Variants in RBFOX1 observed in about 807,000 individuals in gnomAD.
RBFOX1 encodes the protein RNA binding fox-1 homolog 1.
RBFOX1 carries 8 observed loss-of-function variants against 57.7 expected under a neutral mutation model. The ratio of observed to expected loss-of-function variants is 0.14; its 90% CI spans 0.08 to 0.25. The LOEUF (loss-of-function observed/expected upper bound fraction) is 0.25, where lower values mean the gene tolerates loss of function less well. Ranked by LOEUF, RBFOX1 falls within the 10% of genes least tolerant of loss-of-function variation. The pLI, the probability that RBFOX1 is intolerant of heterozygous loss-of-function variation, is 1.00. For missense variants in RBFOX1, 611 were observed against 548.5 expected (o/e 1.11, Z -1.14); for synonymous variants, 326 against 222.4 (o/e 1.47, Z -4.15).
At chr16:5,742,882 C>G (rs557256244) in intron 3 of RBFOX1, among the ~76,000 whole-genome samples, 67 of 152,260 alleles carry the variant, frequency 4.4e-4, no homozygotes, top group Admixed American at 1.4e-3. Flanking sequence ...AGAGATGGAT[C>G]TGGTCAGGTG....
intron 5 of RBFOX1, among the ~76,000 whole-genome samples, chr16:7,519,495 A>G (rs1241565004): frequency 6.6e-6 from 1 of 152,264 alleles, no homozygotes; most frequent in Non-Finnish European, 1.5e-5. Flanking sequence ...ACATTTTATC[A>G]TCACTGTAAA....
chr16:5,581,323 T>C (rs547365709), intron 2 of RBFOX1, among the ~76,000 whole-genome samples: 1 of 152,366 alleles, frequency 6.6e-6, no homozygotes, highest in South Asian at 2.1e-4. Flanking sequence ...CTCTAGCAAG[T>C]TGCTCTCCTT....
At chr16:5,787,442 A>C (rs1257882923) in intron 3 of RBFOX1, among the ~76,000 whole-genome samples, 1 of 152,234 alleles carries the variant, frequency 6.6e-6, no homozygotes, top group East Asian at 1.9e-4. Flanking sequence ...CATCTGAATA[A>C]TAAAGTCACT....
chr16:7,169,514 A>G (rs967455038), intron 4 of RBFOX1, among the ~76,000 whole-genome samples: 2 of 152,188 alleles, frequency 1.3e-5, no homozygotes, highest in African/African-American at 4.8e-5. Context: ...GACATGGCCT[A>G]ATGTCCCCAG....
At chr16:5,394,288 C>T (rs1012929412) in intron 1 of RBFOX1, among the ~76,000 whole-genome samples, 9 of 152,124 alleles carry the variant, frequency 5.9e-5, no homozygotes, top group African/African-American at 1.9e-4. Flanking sequence ...TCTCAAAGTG[C>T]TGGGATTACA....
chr16:7,267,735 A>T (rs529354478), intron 4 of RBFOX1, among the ~76,000 whole-genome samples: 1 of 152,228 alleles, frequency 6.6e-6, no homozygotes, highest in African/African-American at 2.4e-5. Flanking sequence ...GCGTGCCTGT[A>T]GTCCCAGCTA....
chr16:6,857,884 T>C (rs1408819432), intron 3 of RBFOX1, among the ~76,000 whole-genome samples: 1 of 152,236 alleles, frequency 6.6e-6, no homozygotes, highest in Non-Finnish European at 1.5e-5. Flanking sequence ...TGTCAAATCC[T>C]GAGCTAATGA....
intron 1 of RBFOX1, among the ~76,000 whole-genome samples, chr16:5,368,312 A>G (rs1389604028): frequency 6.6e-6 from 1 of 152,200 alleles, no homozygotes; most frequent in East Asian, 1.9e-4. Flanking sequence ...CTGTACAATG[A>G]AAACCTCCCA....
In RBFOX1 at chr16:7,085,972, T is replaced by C. The variant is rs1449618317; in HGVS notation, c.27+33874T>C. ...TGTACTAAGCAGATTGGTCAGTGTATGTGCCTGATTGAGAACTTGTCAGTT... is the reference window on the plus strand; with the variant it reads ...TGTACTAAGCAGATTGGTCAGTGTACGTGCCTGATTGAGAACTTGTCAGTT... On this transcript the variant is annotated intron_variant, in intron 4 of 15. Transcript: ENST00000550418. 7.2e-5 allele frequency among the ~76,000 whole-genome samples: 11 copies of C among 152,160 alleles called. 1 individual carries two copies. The highest frequency in any genetic ancestry group is 1.3e-4 in the Non-Finnish European group (9 of 68,038).
rs77950096 is a variant in RBFOX1 at position 6,663,702 on chromosome 16, G to T, written c.-16+9052G>T. On this transcript the variant is annotated intron_variant, in intron 3 of 15. Transcript: ENST00000550418. ...CAATGTCCTTTGTTTAAGGCCGTTA[G>T]GCATATACATTAAAATGGAAGAAGC... Among the ~76,000 whole-genome samples the T allele has an allele frequency of 4.9e-3, 753 of 152,270 alleles. 6 individuals are homozygous for T. Among genetic ancestry groups the T allele is most frequent in the African/African-American group, 0.017 (716 of 41,538 alleles).
chr16:6,119,219 T>C (rs2096530138), intron 1 of RBFOX1, among the ~76,000 whole-genome samples: 1 of 151,964 alleles, frequency 6.6e-6, no homozygotes, highest in East Asian at 1.9e-4. Context: ...TTATAATAAT[T>C]ATTGTTATTA....
At chr16:7,041,316 A>T (rs911815134) in intron 3 of RBFOX1, among the ~76,000 whole-genome samples, 2 of 152,050 alleles carry the variant, frequency 1.3e-5, no homozygotes, top group Non-Finnish European at 2.9e-5. Context: ...ATAATGGGAG[A>T]ACCGAGTAGC....
intron 3 of RBFOX1, among the ~76,000 whole-genome samples, chr16:6,972,888 C>G (rs1218154871): frequency 1.3e-5 from 2 of 152,134 alleles, no homozygotes; most frequent in Non-Finnish European, 2.9e-5. Flanking sequence ...CTTTGGGAGG[C>G]TGAAGTGGGT....
intron 3 of RBFOX1, among the ~76,000 whole-genome samples, chr16:6,725,997 C>G (rs1374841603): frequency 5.9e-5 from 9 of 152,094 alleles, no homozygotes; most frequent in Non-Finnish European, 1.3e-4. Flanking sequence ...TTTCATTATC[C>G]TTTCAGCATT....
At chr16:6,989,154 C>A (rs1297199610) in intron 3 of RBFOX1, among the ~76,000 whole-genome samples, 1 of 152,328 alleles carries the variant, frequency 6.6e-6, no homozygotes, top group East Asian at 1.9e-4. Context: ...CCTCAGCCTT[C>A]CATAGTGCTG....
intron 2 of RBFOX1, among the ~76,000 whole-genome samples, chr16:6,570,975 AAT>A (rs1333014561): frequency 6.6e-6 from 1 of 152,160 alleles, no homozygotes; most frequent in Non-Finnish European, 1.5e-5. Flanking sequence ...CTGTTTTCAA[AAT>A]AACATTATTG....
intron 2 of RBFOX1, among the ~76,000 whole-genome samples, chr16:6,494,328 C>G (rs530612807): frequency 6.6e-6 from 1 of 152,166 alleles, no homozygotes; most frequent in South Asian, 2.1e-4. Context: ...CTGAGCAGTT[C>G]CATCCTGAGG....
At chr16:7,156,185 G>C (rs976523869) in intron 4 of RBFOX1, among the ~76,000 whole-genome samples, 1 of 151,014 alleles carries the variant, frequency 6.6e-6, no homozygotes, top group Non-Finnish European at 1.5e-5. Flanking sequence ...CTCAACTCTT[G>C]ATTCCTTTCT....
At chr16:6,736,623 T>C (rs2070385224) in intron 3 of RBFOX1, among the ~76,000 whole-genome samples, 1 of 152,232 alleles carries the variant, frequency 6.6e-6, no homozygotes, top group East Asian at 1.9e-4. Flanking sequence ...TAAACATGCA[T>C]GTGCAAGTAT....
Sources: gnomAD v4.1 joint callset for allele counts (sites outside exome capture counted in the v4.1 genomes callset) on GRCh38, gnomAD v4.1.1 for gene constraint, MANE v1.5 for transcripts, NCBI Gene and HGNC (gene_info 2026-07-23, HGNC 2026-07-21) for gene names.